Variants in MIPEP observed in about 807,000 individuals in gnomAD.
MIPEP encodes the protein mitochondrial intermediate peptidase.
A neutral mutation model predicts 90.3 loss-of-function variants in MIPEP; 79 were observed. The observed-to-expected ratio is 0.87, with a 90% CI of 0.73 to 1.05. The LOEUF is 1.05. MIPEP is among the 50% of genes least tolerant of loss of function. The pLI, the probability that MIPEP is intolerant of heterozygous loss-of-function variation, is 0.00. For missense variants in MIPEP, 940 were observed against 905.6 expected, an observed-to-expected ratio of 1.04 and a Z score of -0.49; for synonymous variants, 334 against 315.8, an observed-to-expected ratio of 1.06 and a Z score of -0.61.
In MIPEP at chr13:23,845,359, T is replaced by C. The variant is rs148914675; in HGVS notation, c.1107-3871A>G. On this transcript the variant is annotated intron_variant, in intron 10 of 18. Coordinates refer to ENST00000382172, the MANE Select transcript of MIPEP (RefSeq NM_005932.4). Reference sequence around the variant, plus strand: ...GGTCAATGAGAGCCTGAAGCATCAATGGGGGAAGCATCCGACCACTGACAT... The same window carrying C: ...GGTCAATGAGAGCCTGAAGCATCAACGGGGGAAGCATCCGACCACTGACAT... Among the ~76,000 whole-genome samples, 650 of 152,260 alleles carry C rather than the reference T, an allele frequency of 4.3e-3. 2 individuals carry two copies. The highest frequency in any genetic ancestry group is 0.015 in the African/African-American group (623 of 41,546).
chr13:23,771,554 C>G (rs980205633), intron 16 of MIPEP, among the ~76,000 whole-genome samples: 62 of 151,870 alleles, frequency 4.1e-4, no homozygotes, highest in Non-Finnish European at 8.1e-4. Context: ...CACACACACA[C>G]ACACACACAC....
chr13:23,822,977 G>C (rs1953327079), intron 14 of MIPEP, among the ~76,000 whole-genome samples: 1 of 151,742 alleles, frequency 6.6e-6, no homozygotes, highest in African/African-American at 2.4e-5. Context: ...CCTCCGCTGG[G>C]CGCTTCCTGG....
At chr13:23,842,249 A>G (rs1325884010) in intron 10 of MIPEP, 2 of 152,166 alleles carry the variant, frequency 1.3e-5, no homozygotes, top group East Asian at 3.8e-4. Context: ...TAGGATTACC[A>G]AAATACACAT....
At chr13:23,883,639 A>C (rs1320413486) in intron 2 of MIPEP, among the ~76,000 whole-genome samples, 7 of 152,244 alleles carry the variant, frequency 4.6e-5, no homozygotes, top group African/African-American at 1.7e-4. Context: ...AGTGACAAGA[A>C]AAGAAAGTCT....
Position 23,836,267 on chromosome 13 carries a change from T to C in MIPEP, c.1626A>G (p.Gln542=). ...GTCCAGTCTGATAATGTCTGGCAAATTGGTTAACTACTCGATAATCATTTG... is the reference window on the plus strand; with the variant it reads ...GTCCAGTCTGATAATGTCTGGCAAACTGGTTAACTACTCGATAATCATTTG... ...YFANDYRVVN[Q]FARHYQTGQP... Residue 542 remains glutamine, a synonymous_variant, in exon 14 of 19, where the codon CAA becomes CAG. Coordinates refer to ENST00000382172, the MANE Select transcript of MIPEP (RefSeq NM_005932.4). The C allele has an allele frequency of 1.9e-6, 3 of 1,605,256 alleles. No individual in the cohort carries two copies. Among genetic ancestry groups the C allele is most frequent in the Non-Finnish European group, 2.5e-6 (3 of 1,176,574 alleles).
At chr13:23,767,018 G>T (rs562666694) in intron 16 of MIPEP, among the ~76,000 whole-genome samples, 1 of 152,306 alleles carries the variant, frequency 6.6e-6, no homozygotes, top group East Asian at 1.9e-4. Context: ...CAGAGGTCTG[G>T]GGGAGGACCC....
At chr13:23,788,190 T>A (rs956495681) in intron 16 of MIPEP, among the ~76,000 whole-genome samples, 13 of 152,244 alleles carry the variant, frequency 8.5e-5, no homozygotes, top group African/African-American at 3.1e-4. Context: ...CAGTCTATTT[T>A]AAAAAGACAA....
chr13:23,754,797 C>G (rs1000987273), intron 18 of MIPEP, among the ~76,000 whole-genome samples: 2 of 152,142 alleles, frequency 1.3e-5, no homozygotes, highest in Non-Finnish European at 2.9e-5. Flanking sequence ...GGTGGGCTGG[C>G]GCTACCAACC....
rs138173657 is a variant in MIPEP, at chr13:23,739,394, G to C, written c.2045-8949C>G. 1.2e-4 allele frequency among the ~76,000 whole-genome samples: 18 copies of C among 152,324 alleles called. No homozygotes were observed. In the East Asian group the frequency reaches 3.3e-3, roughly 28 times the overall value. On this transcript the variant is annotated intron_variant, in intron 18 of 18. Transcript: ENST00000382172. Reference sequence around the variant, plus strand: ...AAGCAGGGTATGTTTTGATTACTAGGAACATTCTACAGGACAATAATTTGT... The same window carrying C: ...AAGCAGGGTATGTTTTGATTACTAGCAACATTCTACAGGACAATAATTTGT...
intron 10 of MIPEP, among the ~76,000 whole-genome samples, chr13:23,854,288 A>G (rs1178921297): frequency 6.6e-6 from 1 of 150,396 alleles, no homozygotes; most frequent in East Asian, 2.0e-4. Context: ...TTTCTTAAAC[A>G]ATTTTTTCTT....
intron 16 of MIPEP, among the ~76,000 whole-genome samples, chr13:23,790,976 T>C (rs1242903232): frequency 6.6e-6 from 1 of 152,076 alleles, no homozygotes; most frequent in Non-Finnish European, 1.5e-5. Context: ...CTTCATAATA[T>C]CCACTCCAAG....
intron 2 of MIPEP, among the ~76,000 whole-genome samples, chr13:23,884,728 T>C (rs1871402428): frequency 6.6e-6 from 1 of 152,336 alleles, no homozygotes; most frequent in South Asian, 2.1e-4. Context: ...TGCCAGAATA[T>C]AAACTCCATG....
intron 16 of MIPEP, 75 bp downstream of exon 16, chr13:23,805,875 G>A: frequency 6.7e-7 from 1 of 1,501,986 alleles, no homozygotes; most frequent in Non-Finnish European, 9.1e-7. Context: ...CTCCAAAGGG[G>A]AAGATAATCA....
chr13:23,857,351 T>TA (rs984199396), intron 10 of MIPEP, among the ~76,000 whole-genome samples: 66 of 152,260 alleles, frequency 4.3e-4, no homozygotes, highest in African/African-American at 1.5e-3. Flanking sequence ...GATACATTTT[T>TA]AAAAAAATGG....
chr13:23,837,387 C>T (rs981731555), intron 13 of MIPEP, among the ~76,000 whole-genome samples, 165 bp downstream of exon 13: 24 of 152,182 alleles, frequency 1.6e-4, no homozygotes, highest in African/African-American at 5.8e-4. Context: ...CATGGAAGAT[C>T]AGGCTGCACA....
In MIPEP at chr13:23,746,342, A is replaced by G. The variant is rs149294132; in HGVS notation, c.2044+10203T>C. Among the ~76,000 whole-genome samples, 535 of 152,024 alleles carry G rather than the reference A, an allele frequency of 3.5e-3. 2 individuals are homozygous for G. The highest frequency in any genetic ancestry group is 0.023 in the South Asian group (112 of 4,804). On this transcript the variant is annotated intron_variant, in intron 18 of 18. Transcript: ENST00000382172. ...ACAGTTTTAACCATAAGTTAAGAAC[A>G]CCATCTATAGGCAGAGTGCAGTGGT... is the stretch of plus-strand genomic sequence containing the variant.
chr13:23,748,487 A>G (rs185681227), intron 18 of MIPEP, among the ~76,000 whole-genome samples: 11 of 152,316 alleles, frequency 7.2e-5, no homozygotes, highest in Admixed American at 6.5e-4. Context: ...AAAGCAGAGT[A>G]AGGGGGTAGA....
At chr13:23,843,751 T>C (rs1869409184) in intron 10 of MIPEP, among the ~76,000 whole-genome samples, 1 of 152,184 alleles carries the variant, frequency 6.6e-6, no homozygotes, top group Non-Finnish European at 1.5e-5. Flanking sequence ...GGGTGAACTC[T>C]GACAGAGGGC....
chr13:23,785,040 G>T (rs1952823401), intron 16 of MIPEP, among the ~76,000 whole-genome samples: 1 of 152,154 alleles, frequency 6.6e-6, no homozygotes, highest in Non-Finnish European at 1.5e-5. Context: ...CACTGTTGGT[G>T]GGACTGCAAA....
Sources: allele counts gnomAD v4.1 joint callset (sites outside exome capture counted in the v4.1 genomes callset), GRCh38; gene constraint gnomAD v4.1.1; transcripts MANE v1.5; gene names NCBI Gene and HGNC (gene_info 2026-07-23, HGNC 2026-07-21).